Variants in HDAC9 observed in about 807,000 individuals in gnomAD.
HDAC9 encodes MEF-2 interacting transcription repressor (MITR) protein.
Under a neutral mutation model 139.4 loss-of-function variants are expected in HDAC9, and 41 were observed. The observed-to-expected ratio is 0.29, with a 90% CI of 0.23 to 0.38. The LOEUF (loss-of-function observed/expected upper bound fraction) is 0.38, where lower values mean the gene tolerates loss of function less well. HDAC9 is among the 10% of genes least tolerant of loss of function. The pLI is 1.00. For synonymous variants in HDAC9, 517 were observed against 476.2 expected (o/e 1.09, Z -1.12); for missense variants, 1,147 against 1,297.0 (o/e 0.88, Z 1.78).
intron 1 of HDAC9, among the ~76,000 whole-genome samples, chr7:18,107,126 T>C (rs1194195396): frequency 6.6e-6 from 1 of 152,184 alleles, no homozygotes; most frequent in Non-Finnish European, 1.5e-5. Flanking sequence ...TTAATCTGGC[T>C]TTGCTGCCCC....
intron 23 of HDAC9, among the ~76,000 whole-genome samples, chr7:18,941,383 T>A (rs770387313): frequency 1.5e-4 from 23 of 152,204 alleles, no homozygotes; most frequent in Non-Finnish European, 3.2e-4. Context: ...GATGACGTTT[T>A]GCTCTAAAGC....
chr7:18,663,427 C>A (rs1188380732), intron 11 of HDAC9, among the ~76,000 whole-genome samples: 2 of 151,970 alleles, frequency 1.3e-5, no homozygotes, highest in African/African-American at 4.8e-5. Flanking sequence ...CATCCAGAAG[C>A]TAGCTAGGTT....
chr7:18,434,649 A>G (rs187007997), intron 1 of HDAC9, among the ~76,000 whole-genome samples: 1 of 152,210 alleles, frequency 6.6e-6, no homozygotes, highest in Non-Finnish European at 1.5e-5. Flanking sequence ...AATGCTCAAC[A>G]TCACTAATCA....
At chr7:18,616,128 T>G (rs938064786) in intron 6 of HDAC9, among the ~76,000 whole-genome samples, 3 of 152,128 alleles carry the variant, frequency 2.0e-5, no homozygotes, top group African/African-American at 7.2e-5. Context: ...TCTTCCTTAT[T>G]TTTTAAGGAC....
chr7:18,988,799 C>A (rs376662491), intron 25 of HDAC9, among the ~76,000 whole-genome samples: 1 of 151,662 alleles, frequency 6.6e-6, no homozygotes, highest in Admixed American at 6.6e-5. Flanking sequence ...GTTGAATTGA[C>A]CCCTTTACCA....
At chr7:18,773,518 G>A (rs1228339721) in intron 16 of HDAC9, among the ~76,000 whole-genome samples, 1 of 151,874 alleles carries the variant, frequency 6.6e-6, no homozygotes, top group East Asian at 1.9e-4. Context: ...GTTGCTGAAG[G>A]TAAATGGATT....
Position 18,098,825 on chromosome 7 carries a change from A to G in HDAC9, c.-97+11612A>G, listed in dbSNP as rs1436159419. Among the ~76,000 whole-genome samples the G allele has an allele frequency of 3.3e-5, 5 of 152,310 alleles. No individual in the cohort carries two copies. In the South Asian group the frequency reaches 6.2e-4, roughly 19 times the overall value. ...ACAATGGGAGACAAATTCAGTAGCA[A>G]TATATAGAATTTTGAACTTGTGAAT... is the stretch of plus-strand genomic sequence containing the variant. On this transcript the variant is annotated intron_variant, in intron 1 of 12. Transcript: ENST00000417496.
intron 21 of HDAC9, among the ~76,000 whole-genome samples, chr7:18,837,710 T>A (rs1353371569): frequency 6.6e-6 from 1 of 152,112 alleles, no homozygotes. Context: ...TTTGTGCCTT[T>A]GTTTTCCCAT....
At chr7:18,317,143 A>C (rs1347283997) in intron 1 of HDAC9, among the ~76,000 whole-genome samples, 1 of 117,100 alleles carries the variant, frequency 8.5e-6, no homozygotes, top group Non-Finnish European at 1.8e-5. Context: ...ATAAATAAAT[A>C]AATAAATGGC....
chr7:18,196,294 G>T (rs542451997), intron 2 of HDAC9, among the ~76,000 whole-genome samples: 31 of 152,242 alleles, frequency 2.0e-4, no homozygotes, highest in Middle Eastern at 6.8e-3. Context: ...TAGTGTAGAG[G>T]AACAGTGATT....
intron 24 of HDAC9, among the ~76,000 whole-genome samples, chr7:18,961,901 T>C (rs1783549586): frequency 6.6e-6 from 1 of 152,144 alleles, no homozygotes; most frequent in Non-Finnish European, 1.5e-5. Context: ...CACAAATAAG[T>C]TCATTCCTTT....
intron 1 of HDAC9, among the ~76,000 whole-genome samples, chr7:18,367,334 G>A (rs1353854392): frequency 2.0e-5 from 3 of 152,008 alleles, no homozygotes; most frequent in East Asian, 3.8e-4. Flanking sequence ...GGGGTCCCCT[G>A]TTCTTCCTAT....
rs1371244859 is a variant in HDAC9 at position 18,571,372 on chromosome 7, T to C, written c.23-13909T>C. On this transcript the variant is annotated intron_variant, in intron 2 of 25. Coordinates refer to ENST00000686413, the MANE Select transcript of HDAC9 (RefSeq NM_178425.4). Reference sequence around the variant, plus strand: ...ACACTGATTTTCAAACTGAGTTCCATGGAGCCTGCATTCCCTGGGGGAAAG... The same window carrying C: ...ACACTGATTTTCAAACTGAGTTCCACGGAGCCTGCATTCCCTGGGGGAAAG... Among the ~76,000 whole-genome samples, 3 of 152,330 alleles carry C rather than the reference T, an allele frequency of 2.0e-5. No homozygotes were observed. In the East Asian group the frequency reaches 5.8e-4, roughly 29 times the overall value.
intron 2 of HDAC9, among the ~76,000 whole-genome samples, chr7:18,581,516 G>A (rs1827832253): frequency 6.6e-6 from 1 of 152,036 alleles, no homozygotes; most frequent in Non-Finnish European, 1.5e-5. Context: ...CTTTTTTAGA[G>A]GTTTGATGTT....
intron 1 of HDAC9, among the ~76,000 whole-genome samples, chr7:18,141,018 C>G (rs1785862581): frequency 6.6e-6 from 1 of 151,742 alleles, no homozygotes; most frequent in African/African-American, 2.4e-5. Flanking sequence ...AAACTGGCCT[C>G]TATGAAAACA....
intron 1 of HDAC9, among the ~76,000 whole-genome samples, chr7:18,464,956 A>G (rs922295738): frequency 2.0e-5 from 3 of 152,004 alleles, no homozygotes; most frequent in African/African-American, 7.2e-5. Context: ...ACTCCTCTGA[A>G]TTCCTTCTTA....
chr7:18,163,846 C>T lies in HDAC9; in HGVS notation c.25+1497C>T, dbSNP rs1787825666. On this transcript the variant is annotated intron_variant, in intron 2 of 12. Transcript: ENST00000417496. Reference sequence around the variant, plus strand: ...GGCATTAATTTAGAACCACTGTGGTCAAGTATTTTTTTCTTGTGATAATAT... The same window carrying T: ...GGCATTAATTTAGAACCACTGTGGTTAAGTATTTTTTTCTTGTGATAATAT... Among the ~76,000 whole-genome samples the T allele has an allele frequency of 2.6e-5, 4 of 152,226 alleles. 1 individual carries two copies. In the South Asian group the frequency reaches 8.3e-4, roughly 32 times the overall value.
chr7:18,648,880 T>G (rs557729476), intron 11 of HDAC9, among the ~76,000 whole-genome samples, 197 bp downstream of exon 11: 1 of 152,236 alleles, frequency 6.6e-6, no homozygotes, highest in East Asian at 1.9e-4. Context: ...CATAAGACAT[T>G]TGTAGCAAAA....
At position 18,997,143 on chromosome 7, in the gene HDAC9, T is replaced by G. The variant is rs1786513636; in HGVS notation, c.*1081T>G. 6.6e-6 allele frequency: 1 copy of G among 152,170 alleles called. No homozygotes were observed. Among genetic ancestry groups the G allele is most frequent in the Non-Finnish European group, 1.5e-5 (1 of 68,020 alleles). 9.4% of individuals were successfully genotyped at this position (152,170 alleles called of 1,614,324 possible). On this transcript the variant is annotated 3_prime_UTR_variant, in exon 26 of 26. Transcript: ENST00000686413. ...TTACTTTACAGGTTAACACAGTTGT[T>G]TTGTCTGATTGCATTTTATTAACTG... is the stretch of plus-strand genomic sequence containing the variant.
Sources: allele counts gnomAD v4.1 joint callset (sites outside exome capture counted in the v4.1 genomes callset), GRCh38; gene constraint gnomAD v4.1.1; transcripts MANE v1.5; gene names NCBI Gene and HGNC (gene_info 2026-07-23, HGNC 2026-07-21).